The following ZNF780A variants were observed in gnomAD, a reference collection of about 807,000 sequenced individuals.
ZNF780A encodes zinc finger protein 780A.
A neutral mutation model predicts 56.7 loss-of-function variants in ZNF780A; 40 were observed. The observed-to-expected ratio is 0.71, with a 90% confidence interval of 0.55 to 0.92. The LOEUF is 0.92. ZNF780A is among the 40% of genes least tolerant of loss of function. The pLI, the probability that ZNF780A is intolerant of heterozygous loss-of-function variation, is 0.00. For synonymous variants in ZNF780A, 231 were observed against 248.3 expected (o/e 0.93, Z 0.66); for missense variants, 672 against 783.3 (o/e 0.86, Z 1.70).
rs1443228683 is a variant in ZNF780A at position 40,083,000 on chromosome 19, C to T, written c.136+111G>A. ...AAATCCCAATCCATTCCTTTGGGAA[C>T]AAGAAGAAGGAATTCAGCCACCTCT... On this transcript the variant is annotated intron_variant, in intron 4 of 5. Transcript: ENST00000683561. 3.8e-6 allele frequency: 6 copies of T among 1,560,898 alleles called. No individual in the cohort carries two copies. In the East Asian group the frequency reaches 9.0e-5, roughly 23 times the overall value.
rs1367001815 is a variant in ZNF780A at position 40,083,143 on chromosome 19, A to T, written c.104T>A (p.Met35Lys). ...GATCAGGTGGCTGTAGTTCTCCAACATCACATCCCTGTACAAGGTCCTCTG... is the reference window on the plus strand; with the variant it reads ...GATCAGGTGGCTGTAGTTCTCCAACTTCACATCCCTGTACAAGGTCCTCTG... The part of the protein sequence containing the change: ...PDQRTLYRDV[M>K]LENYSHLISL... Residue 35 changes from methionine (M) to lysine (K), a missense_variant, in exon 4 of 6, where the codon ATG becomes AAG. Coordinates refer to ENST00000683561, the MANE Select transcript of ZNF780A (RefSeq NM_001142578.2). 3.7e-6 allele frequency: 6 copies of T among 1,614,096 alleles called. No individual in the cohort carries two copies. Among genetic ancestry groups the T allele is most frequent in the Non-Finnish European group, 4.2e-6 (5 of 1,180,042 alleles).
At chr19:40,084,936 C>G in intron 2 of ZNF780A, 138 bp from the exon 3 acceptor site, 1 of 1,126,110 alleles carries the variant, frequency 8.9e-7, no homozygotes, top group Non-Finnish European at 1.2e-6. Flanking sequence ...ACTCCCCTTG[C>G]CCCCACACAC....
At chr19:40,082,078 A>C (rs867089774) in intron 4 of ZNF780A, among the ~76,000 whole-genome samples, 164 bp from the exon 5 acceptor site, 1 of 152,038 alleles carries the variant, frequency 6.6e-6, no homozygotes, top group Non-Finnish European at 1.5e-5. Flanking sequence ...TTTTCTAACT[A>C]TGTTAGAAAA....
Position 40,074,075 on chromosome 19 carries a change from A to AG in ZNF780A, c.*440dup. On this transcript the variant is annotated 3_prime_UTR_variant, in exon 6 of 6. Transcript: ENST00000683561. ...CAGTCAGGACCAAACTAAATCTGAA[A>AG]GTTTTCCCACACTCCTTACATTCAT... 1 of 1,261,568 alleles carries AG rather than the reference A, an allele frequency of 7.9e-7. No individual in the cohort carries two copies. The highest frequency in any genetic ancestry group is 1.0e-6 in the Non-Finnish European group (1 of 983,762). 78.1% of individuals were successfully genotyped at this position (1,261,568 alleles called of 1,614,324 possible).
intron 2 of ZNF780A, among the ~76,000 whole-genome samples, chr19:40,088,071 T>C (rs913872810): frequency 2.6e-5 from 4 of 151,848 alleles, no homozygotes; most frequent in African/African-American, 4.8e-5. Context: ...GAAGAAAACA[T>C]AGGGGGAAAG....
chr19:40,081,184 A>T (rs534538079), intron 5 of ZNF780A, among the ~76,000 whole-genome samples: 1 of 151,588 alleles, frequency 6.6e-6, no homozygotes, highest in Non-Finnish European at 1.5e-5. Context: ...TTTGCAAACT[A>T]TTTCTCTGAC....
rs577324842 is a variant in ZNF780A at position 40,085,130 on chromosome 19, T to C, written c.-45-332A>G. The C allele has an allele frequency of 5.0e-5, 49 of 984,938 alleles. No homozygotes were observed. In the South Asian group the frequency reaches 1.9e-3, roughly 39 times the overall value. 61.0% of individuals were successfully genotyped at this position (984,938 alleles called of 1,614,324 possible). On this transcript the variant is annotated intron_variant, in intron 2 of 5. Coordinates refer to ENST00000683561, the MANE Select transcript of ZNF780A (RefSeq NM_001142578.2). The stretch of plus-strand genomic sequence containing the variant: ...CTATCTTGGCCTAGGTCTGGACCTC[T>C]GATCCTGCCCTTAGCAGATCCTCCT...
downstream of ZNF780A, chr19:40,072,601 C>T (rs1490460889): frequency 5.1e-6 from 2 of 394,558 alleles, no homozygotes; most frequent in African/African-American, 4.2e-5. Context: ...CTCTTTGGGT[C>T]CCCTCCCTTT....
intron 3 of ZNF780A, among the ~76,000 whole-genome samples, chr19:40,084,465 C>T (rs1974668601): frequency 6.6e-6 from 1 of 152,304 alleles, no homozygotes; most frequent in East Asian, 1.9e-4. Flanking sequence ...CCTGTGGGGA[C>T]TGATTCCTCC....
At position 40,075,533 on chromosome 19, in the gene ZNF780A, T is replaced by C; in HGVS notation, c.909A>G (p.Lys303=). 6.2e-7 allele frequency: 1 copy of C among 1,612,880 alleles called. No homozygotes were observed. The highest frequency in any genetic ancestry group is 1.1e-5 in the South Asian group (1 of 91,024). ...IQHQKIHSNE[K]PFVCKECGMA... Reference sequence around the variant, plus strand: ...TCCCACATTCCTTACATACAAAGGGTTTCTCATTGGAATGAATTTTCTGAT... The same window carrying C: ...TCCCACATTCCTTACATACAAAGGGCTTCTCATTGGAATGAATTTTCTGAT... The change falls in exon 6 of 6, where the codon AAA becomes AAG. Residue 303 remains lysine (K), a synonymous_variant. Transcript: ENST00000683561.
At chr19:40,083,739 G>A (rs1289160146) in intron 3 of ZNF780A, among the ~76,000 whole-genome samples, 2 of 150,240 alleles carry the variant, frequency 1.3e-5, no homozygotes, top group Non-Finnish European at 3.0e-5. Context: ...ATTATGGTAT[G>A]AGATGACAGC....
At chr19:40,089,570 G>A (rs1464955789) in intron 2 of ZNF780A, among the ~76,000 whole-genome samples, 2 of 151,522 alleles carry the variant, frequency 1.3e-5, no homozygotes, top group Non-Finnish European at 2.9e-5. Flanking sequence ...AGATACTCTG[G>A]ATCCACTCCC....
chr19:40,072,517 T>C (rs1973863946), downstream of ZNF780A: 2 of 177,074 alleles, frequency 1.1e-5, no homozygotes, highest in Non-Finnish European at 2.3e-5. Flanking sequence ...GCCAATCATC[T>C]ATTGCCTGAG....
chr19:40,075,964 T>G lies in ZNF780A; in HGVS notation c.478A>C (p.Asn160His). 1 of 1,613,420 alleles carries G rather than the reference T, an allele frequency of 6.2e-7. No individual in the cohort carries two copies. Among genetic ancestry groups the G allele is most frequent in the Non-Finnish European group, 8.5e-7 (1 of 1,179,766 alleles). Reference sequence around the variant, plus strand: ...TTACATTCATACGGTTTATGTGTATTGCAAATAAGAGAAGCATGAGGAGTA... The same window carrying G: ...TTACATTCATACGGTTTATGTGTATGGCAAATAAGAGAAGCATGAGGAGTA... ...THTPHASLIC[N>H]THKPYECKEC... The change falls in exon 6 of 6, where the codon AAT (asparagine) becomes CAT (histidine). Residue 160 changes from asparagine to histidine, a missense_variant. Transcript: ENST00000683561.
chr19:40,083,962 C>T (rs1365767695), intron 3 of ZNF780A, among the ~76,000 whole-genome samples: 7 of 152,064 alleles, frequency 4.6e-5, no homozygotes, highest in South Asian at 2.1e-4. Context: ...TGCAGTGGCA[C>T]GATCGCAGCT....
intron 2 of ZNF780A, among the ~76,000 whole-genome samples, chr19:40,088,241 G>A (rs1974929742): frequency 6.6e-6 from 1 of 152,066 alleles, no homozygotes. Flanking sequence ...TGTAGAATGA[G>A]AGAAAATATT....
chr19:40,081,818 C>T lies in ZNF780A; in HGVS notation c.232+1G>A, dbSNP rs1974495550. The T allele has an allele frequency of 6.2e-7, 1 of 1,611,640 alleles. No homozygotes were observed. Among genetic ancestry groups the T allele is most frequent in the Non-Finnish European group, 8.5e-7 (1 of 1,178,262 alleles). ...CCCCCGCCTGCTTTACCCTCACTTA[C>T]CTGGATACCGTCTGCTTGTTTCTTT... On this transcript the variant is annotated splice_donor_variant, in intron 5 of 5. Transcript: ENST00000683561. LOFTEE classifies it high-confidence loss of function.
chr19:40,072,688 G>T, downstream of ZNF780A: 1 of 1,038,488 alleles, frequency 9.6e-7, no homozygotes, highest in Non-Finnish European at 1.2e-6. Context: ...GAGGAGAAAG[G>T]AGAAATGTTC....
At chr19:40,082,978 T>C (rs1201430156) in intron 4 of ZNF780A, 133 bp downstream of exon 4, 2 of 1,471,608 alleles carry the variant, frequency 1.4e-6, no homozygotes, top group Non-Finnish European at 1.9e-6. Context: ...ACCCAACAAA[T>C]CCCAATCCAT....
Sources: allele counts gnomAD v4.1 joint callset (sites outside exome capture counted in the v4.1 genomes callset), GRCh38; gene constraint gnomAD v4.1.1; transcripts MANE v1.5; gene names NCBI Gene and HGNC (gene_info 2026-07-23, HGNC 2026-07-21).